Variants in PTPRN2 observed in about 807,000 individuals in gnomAD.
The protein encoded by PTPRN2 is protein tyrosine phosphatase receptor type N2.
Under a neutral mutation model 118.8 loss-of-function variants are expected in PTPRN2, and 74 were observed. The observed-to-expected ratio is 0.62, with a 90% CI of 0.52 to 0.76. The LOEUF is 0.76. Among genes scored for constraint, PTPRN2 ranks in the 30% least tolerant of loss-of-function variants. The pLI is 0.00. For missense variants in PTPRN2, 1,481 were observed against 1,394.4 expected (o/e 1.06, Z -0.99); for synonymous variants, 641 against 608.0 (o/e 1.05, Z -0.80).
rs73526064 is a variant in PTPRN2, at chr7:158,305,147, A to G, written c.277+11672T>C. 8.2e-3 allele frequency among the ~76,000 whole-genome samples: 1,252 copies of G among 152,188 alleles called. 25 individuals are homozygous for G. Among genetic ancestry groups the G allele is most frequent in the African/African-American group, 0.029 (1,190 of 41,496 alleles). ...AAGGTGTGTCCAAACACCCCTTCCC[A>G]TCATGGCCTGAACTAGTGTTTCAGG... On this transcript the variant is annotated intron_variant, in intron 3 of 22. Coordinates refer to ENST00000389418, the MANE Select transcript of PTPRN2 (RefSeq NM_002847.5).
At chr7:157,657,911 C>T (rs1393228540) in intron 13 of PTPRN2, among the ~76,000 whole-genome samples, 2 of 144,638 alleles carry the variant, frequency 1.4e-5, no homozygotes, top group African/African-American at 5.1e-5. Flanking sequence ...GACACACACA[C>T]ACCACACACA....
Position 158,000,282 on chromosome 7 carries a change from T to C in PTPRN2, c.1723+81016A>G, listed in dbSNP as rs139532411. Among the ~76,000 whole-genome samples the C allele has an allele frequency of 4.7e-4, 71 of 152,250 alleles. No homozygotes were observed. In the East Asian group the frequency reaches 0.01, roughly 22 times the overall value. On this transcript the variant is annotated intron_variant, in intron 11 of 22. Coordinates refer to ENST00000389418, the MANE Select transcript of PTPRN2 (RefSeq NM_002847.5). Reference sequence around the variant, plus strand: ...AGGTTGCATTCCCCAGTCAGGGGAATAACCAGAGGATTAAAACAAAAGGTT... The same window carrying C: ...AGGTTGCATTCCCCAGTCAGGGGAACAACCAGAGGATTAAAACAAAAGGTT...
At chr7:158,122,733 T>C (rs886212661) in intron 9 of PTPRN2, among the ~76,000 whole-genome samples, 2 of 152,152 alleles carry the variant, frequency 1.3e-5, no homozygotes, top group Admixed American at 6.5e-5. Context: ...AAAATTACAC[T>C]ACTAGGAAAC....
intron 11 of PTPRN2, among the ~76,000 whole-genome samples, chr7:157,907,300 G>A (rs115300908): frequency 9.1e-4 from 138 of 152,316 alleles, no homozygotes; most frequent in African/African-American, 3.2e-3. Flanking sequence ...TGTGTCCTGC[G>A]TGGCAGTATC....
intron 3 of PTPRN2, among the ~76,000 whole-genome samples, chr7:158,314,277 C>T (rs953450317): frequency 2.0e-5 from 3 of 152,226 alleles, no homozygotes; most frequent in Non-Finnish European, 4.4e-5. Context: ...GGCAAAAGCT[C>T]ATCTGTTTGC....
At chr7:157,803,028 C>G (rs1354917691) in intron 12 of PTPRN2, among the ~76,000 whole-genome samples, 1 of 152,030 alleles carries the variant, frequency 6.6e-6, no homozygotes, top group African/African-American at 2.4e-5. Flanking sequence ...GCAGTGGCAC[C>G]ATCTCGGCTC....
intron 1 of PTPRN2, among the ~76,000 whole-genome samples, chr7:158,533,116 C>T (rs559566720): frequency 3.3e-5 from 5 of 152,376 alleles, no homozygotes; most frequent in East Asian, 3.9e-4. Context: ...CCAACAACCA[C>T]GGGAGCTTGA....
intron 11 of PTPRN2, among the ~76,000 whole-genome samples, chr7:158,012,460 CA>C (rs1448239941): frequency 6.6e-6 from 1 of 152,124 alleles, no homozygotes; most frequent in Non-Finnish European, 1.5e-5. Context: ...GAAGAATTTC[CA>C]AAATTCACAA....
rs1267899958 is a variant in PTPRN2, at chr7:158,546,943, G to C, written c.112+40615C>G. ...CTGGGGGACAGCCCAGCCATCTTCA[G>C]GGCCCCAGGTGAGGCCACAGCCAGC... is the stretch of plus-strand genomic sequence containing the variant. On this transcript the variant is annotated intron_variant, in intron 1 of 22. Coordinates refer to ENST00000389418, the MANE Select transcript of PTPRN2 (RefSeq NM_002847.5). The surrounding 1 kb of genome is among the most constrained non-coding windows in gnomAD (Gnocchi z 5.0). 6.6e-6 allele frequency among the ~76,000 whole-genome samples: 1 copy of C among 152,156 alleles called. No homozygotes were observed. Among genetic ancestry groups the C allele is most frequent in the Non-Finnish European group, 1.5e-5 (1 of 68,026 alleles).
chr7:157,873,876 C>T (rs1250749164), intron 12 of PTPRN2, among the ~76,000 whole-genome samples: 3 of 152,112 alleles, frequency 2.0e-5, no homozygotes, highest in Non-Finnish European at 4.4e-5. Flanking sequence ...GGATGGACGA[C>T]CAGCTGGGCA....
intron 1 of PTPRN2, among the ~76,000 whole-genome samples, chr7:158,534,495 CTCT>C (rs1374132177): frequency 6.6e-6 from 1 of 152,254 alleles, no homozygotes; most frequent in East Asian, 1.9e-4. Flanking sequence ...CTGTGTGCTG[CTCT>C]TCATTTCCCA....
chr7:158,456,958 C>T (rs993677408), intron 2 of PTPRN2, among the ~76,000 whole-genome samples: 6 of 152,128 alleles, frequency 3.9e-5, no homozygotes, highest in African/African-American at 1.4e-4. Flanking sequence ...TCATCACAAA[C>T]CCAGTATCAC....
chr7:158,327,360 CAT>C (rs1194862196), intron 2 of PTPRN2, among the ~76,000 whole-genome samples: 1 of 137,986 alleles, frequency 7.2e-6, no homozygotes, highest in Non-Finnish European at 1.6e-5. Context: ...CACATGTACA[CAT>C]TGTCACACAC....
chr7:158,262,790 TACAC>T (rs1295522547), intron 3 of PTPRN2, among the ~76,000 whole-genome samples: 7 of 109,334 alleles, frequency 6.4e-5, no homozygotes, highest in Non-Finnish European at 1.9e-5. Context: ...ACTACACACA[TACAC>T]ATTCACACAC....
In PTPRN2 at chr7:157,953,963, T is replaced by C. The variant is rs894009584; in HGVS notation, c.1724-55226A>G. ...TGTGTTAGAGTCTCTTCCACAGAAC[T>C]CTCTGGAAAGGCCGTTCCAAGAGCT... On this transcript the variant is annotated intron_variant, in intron 11 of 22. Coordinates refer to ENST00000389418, the MANE Select transcript of PTPRN2 (RefSeq NM_002847.5). The surrounding 1 kb of genome is among the most constrained non-coding windows in gnomAD (Gnocchi z 4.6). Among the ~76,000 whole-genome samples, 3 of 152,206 alleles carry C rather than the reference T, an allele frequency of 2.0e-5. No homozygotes were observed. Among genetic ancestry groups the C allele is most frequent in the African/African-American group, 7.2e-5 (3 of 41,450 alleles).
intron 11 of PTPRN2, among the ~76,000 whole-genome samples, chr7:157,916,437 T>C (rs1047638259): frequency 2.0e-5 from 3 of 152,220 alleles, no homozygotes; most frequent in Non-Finnish European, 4.4e-5. Context: ...CCTCATGGAC[T>C]GTGAAGGGGT....
At chr7:158,451,793 T>A (rs1269189573) in intron 2 of PTPRN2, among the ~76,000 whole-genome samples, 1 of 152,222 alleles carries the variant, frequency 6.6e-6, no homozygotes, top group Non-Finnish European at 1.5e-5. Flanking sequence ...TAAAGTTATG[T>A]GAATTTTAAT....
intron 21 of PTPRN2, among the ~76,000 whole-genome samples, chr7:157,568,269 C>G (rs2150508298): frequency 6.6e-6 from 1 of 152,296 alleles, no homozygotes; most frequent in African/African-American, 2.4e-5. Context: ...GCCGCTCTGC[C>G]AAACCTGTCC....
chr7:158,213,867 T>G (rs1827781630), intron 3 of PTPRN2, among the ~76,000 whole-genome samples: 1 of 152,154 alleles, frequency 6.6e-6, no homozygotes, highest in South Asian at 2.1e-4. Context: ...AAATATCATT[T>G]ATAAAATTTA....
Sources: allele counts gnomAD v4.1 joint callset (sites outside exome capture counted in the v4.1 genomes callset), GRCh38; gene constraint gnomAD v4.1.1; non-coding constraint Gnocchi (gnomAD v3.1); transcripts MANE v1.5; gene names NCBI Gene and HGNC (gene_info 2026-07-23, HGNC 2026-07-21).